The following ARRB1 variants were observed in gnomAD, a reference collection of about 807,000 sequenced individuals.
The protein encoded by ARRB1 is arrestin beta 1.
Under a neutral mutation model 56.8 loss-of-function variants are expected in ARRB1, and 21 were observed. The ratio of observed to expected loss-of-function variants is 0.37; its 90% CI spans 0.26 to 0.53. The LOEUF is 0.53. Ranked by LOEUF, ARRB1 falls within the 20% of genes least tolerant of loss-of-function variation. The probability of loss-of-function intolerance (pLI) is 0.88; values close to 1 mark genes in which losing one functional copy is unlikely to be tolerated. For missense variants in ARRB1, 424 were observed against 553.7 expected (o/e 0.77, Z 2.35); for synonymous variants, 210 against 218.6 (o/e 0.96, Z 0.35).
chr11:75,337,438 G>C (rs1947622870), intron 1 of ARRB1, among the ~76,000 whole-genome samples: 1 of 152,346 alleles, frequency 6.6e-6, no homozygotes, highest in South Asian at 2.1e-4. Flanking sequence ...AAGGAAGTAA[G>C]AAGAGGGAAA....
chr11:75,286,637 T>G (rs187964206), intron 3 of ARRB1, among the ~76,000 whole-genome samples: 17 of 152,258 alleles, frequency 1.1e-4, no homozygotes, highest in African/African-American at 3.9e-4. Context: ...ACCAGGGATG[T>G]GGCTATCCAG....
chr11:75,327,004 G>T (rs1465357446), intron 1 of ARRB1, among the ~76,000 whole-genome samples: 1 of 149,258 alleles, frequency 6.7e-6, no homozygotes, highest in Non-Finnish European at 1.5e-5. Flanking sequence ...ACCATGCCCA[G>T]ACTCTTGTTA....
intron 1 of ARRB1, among the ~76,000 whole-genome samples, chr11:75,350,293 C>A (rs191017572): frequency 6.6e-6 from 1 of 152,070 alleles, no homozygotes; most frequent in African/African-American, 2.4e-5. Flanking sequence ...GTGGGCCTTG[C>A]GCATCTTTGA....
chr11:75,281,379 T>G (rs939880334), intron 6 of ARRB1, among the ~76,000 whole-genome samples: 4 of 152,106 alleles, frequency 2.6e-5, no homozygotes, highest in Non-Finnish European at 4.4e-5. Flanking sequence ...GCTCTGCTCT[T>G]TGGATTCCTG....
At chr11:75,317,824 G>A (rs531923795) in intron 1 of ARRB1, among the ~76,000 whole-genome samples, 2 of 152,158 alleles carry the variant, frequency 1.3e-5, no homozygotes, top group Non-Finnish European at 2.9e-5. Context: ...TGAGGACAGC[G>A]AGACTCTGAA....
At chr11:75,271,449 G>A (rs2140402248) in intron 13 of ARRB1, 1 of 404,008 alleles carries the variant, frequency 2.5e-6, no homozygotes, top group South Asian at 6.5e-5. Flanking sequence ...AGCTCTCTTG[G>A]GGGCCACTCC....
At position 75,337,786 on chromosome 11, in the gene ARRB1, C is replaced by CTTTTT. The variant is rs71036046; in HGVS notation, c.20+13797_20+13801dup. The stretch of plus-strand genomic sequence containing the variant: ...TGTTCAATGAATTTCATTGAAATGT[C>CTTTTT]TTTTTTTTTTTTTTTTTTTTTTTTT... On this transcript the variant is annotated intron_variant, in intron 1 of 15. Coordinates refer to ENST00000420843, the MANE Select transcript of ARRB1 (RefSeq NM_004041.5). Among the ~76,000 whole-genome samples, 7 of 38,490 alleles carry CTTTTT rather than the reference C, an allele frequency of 1.8e-4. 1 individual carries two copies. Among genetic ancestry groups the CTTTTT allele is most frequent in the Non-Finnish European group, 2.6e-4 (6 of 23,126 alleles). The allele number at this position is 38,490 out of a possible 152,430, so 25.3% of individuals were successfully genotyped here. A position where few individuals can be genotyped will look rare whatever the true frequency, so the allele number is the denominator to read the frequency against.
chr11:75,297,864 C>CA (rs34831668), intron 1 of ARRB1, among the ~76,000 whole-genome samples: 5,894 of 29,202 alleles, frequency 0.2, 1,724 homozygotes, highest in East Asian at 0.41. Flanking sequence ...GACTTTGTCT[C>CA]AAAAAAAAAA....
intron 1 of ARRB1, among the ~76,000 whole-genome samples, chr11:75,300,716 C>T (rs929245157): frequency 6.7e-6 from 1 of 148,680 alleles, no homozygotes; most frequent in Admixed American, 6.6e-5. Context: ...CCTGTAATCC[C>T]AGCACTTTGG....
At chr11:75,348,413 G>A (rs1043996056) in intron 1 of ARRB1, among the ~76,000 whole-genome samples, 29 of 152,032 alleles carry the variant, frequency 1.9e-4, no homozygotes, top group African/African-American at 6.3e-4. Flanking sequence ...GTCATCCTGC[G>A]TTATGACCAC....
intron 2 of ARRB1, among the ~76,000 whole-genome samples, 173 bp from the exon 3 acceptor site, chr11:75,287,548 A>T (rs760587841): frequency 6.6e-6 from 1 of 152,332 alleles, no homozygotes; most frequent in African/African-American, 2.4e-5. Flanking sequence ...AAGATTCGCA[A>T]ACCCCTGTAA....
intron 15 of ARRB1, among the ~76,000 whole-genome samples, chr11:75,266,862 G>A (rs1336224744): frequency 6.6e-6 from 1 of 152,222 alleles, no homozygotes; most frequent in African/African-American, 2.4e-5. Flanking sequence ...GCTGGGGTAG[G>A]AGGATGTGAA....
intron 1 of ARRB1, among the ~76,000 whole-genome samples, chr11:75,328,044 G>A (rs747475784): frequency 2.6e-5 from 4 of 152,166 alleles, no homozygotes; most frequent in Non-Finnish European, 5.9e-5. Flanking sequence ...TAGATCCAAC[G>A]CATTTCCATC....
At chr11:75,322,301 T>C (rs1278082629) in intron 1 of ARRB1, among the ~76,000 whole-genome samples, 1 of 151,970 alleles carries the variant, frequency 6.6e-6, no homozygotes, top group Non-Finnish European at 1.5e-5. Flanking sequence ...AGGTCAGGAG[T>C]TCGAGACCAG....
rs930625873 is a variant in ARRB1 at position 75,262,878 on chromosome 11, G to T, written c.*3285C>A. On this transcript the variant is annotated 3_prime_UTR_variant, in exon 16 of 16. Coordinates refer to ENST00000420843, the MANE Select transcript of ARRB1 (RefSeq NM_004041.5). ...CAGCCAGGTGAACCCACTCTAGCAG[G>T]TCTGAGCTTTGAGGCTGAGGAGAGG... 2.8e-4 allele frequency among the ~76,000 whole-genome samples: 43 copies of T among 152,166 alleles called. 1 individual carries two copies. Among genetic ancestry groups the T allele is most frequent in the Admixed American group, 2.8e-3 (43 of 15,286 alleles).
chr11:75,284,776 C>T (rs929812376), intron 3 of ARRB1, among the ~76,000 whole-genome samples: 17 of 151,926 alleles, frequency 1.1e-4, no homozygotes, highest in African/African-American at 3.9e-4. Context: ...GGTGGCGGGC[C>T]CCTGTAGTTC....
At chr11:75,316,252 G>A (rs974790067) in intron 1 of ARRB1, among the ~76,000 whole-genome samples, 5 of 151,804 alleles carry the variant, frequency 3.3e-5, no homozygotes, top group African/African-American at 7.3e-5. Flanking sequence ...GCTTGAACCC[G>A]GGAGGCAGAG....
At chr11:75,269,550 C>A (rs554546189) in intron 13 of ARRB1, among the ~76,000 whole-genome samples, 2 of 152,240 alleles carry the variant, frequency 1.3e-5, no homozygotes, top group Non-Finnish European at 2.9e-5. Context: ...CAGGGGAAAG[C>A]GGCCGGGAAG....
chr11:75,290,226 A>G (rs1415115628), intron 1 of ARRB1, among the ~76,000 whole-genome samples, 187 bp from the exon 2 acceptor site: 1 of 152,202 alleles, frequency 6.6e-6, no homozygotes, highest in East Asian at 1.9e-4. Context: ...CCTCCACGAT[A>G]GCCATTAGAG....
Sources: gnomAD v4.1 joint callset for allele counts (sites outside exome capture counted in the v4.1 genomes callset) on GRCh38, gnomAD v4.1.1 for gene constraint, MANE v1.5 for transcripts, NCBI Gene and HGNC (gene_info 2026-07-23, HGNC 2026-07-21) for gene names.